The following CNOT4 variants were observed in gnomAD, a reference collection of about 807,000 sequenced individuals.
CNOT4 encodes the protein CCR4-associated factor 4.
A neutral mutation model predicts 73.8 loss-of-function variants in CNOT4; 8 were observed. The ratio of observed to expected loss-of-function variants is 0.11; its 90% CI spans 0.06 to 0.20. CNOT4 has a LOEUF of 0.20. Among genes scored for constraint, CNOT4 ranks in the 10% least tolerant of loss-of-function variants. The probability of loss-of-function intolerance (pLI) is 1.00; values close to 1 mark genes in which losing one functional copy is unlikely to be tolerated. For synonymous variants in CNOT4, 293 were observed against 321.1 expected (o/e 0.91, Z 0.94); for missense variants, 564 against 883.4 (o/e 0.64, Z 4.58).
chr7:135,379,370 T>C (rs1356056650), intron 10 of CNOT4, among the ~76,000 whole-genome samples: 1 of 152,182 alleles, frequency 6.6e-6, no homozygotes, highest in Non-Finnish European at 1.5e-5. Flanking sequence ...CTATCAACAC[T>C]GGGCAGACTA....
chr7:135,408,731 G>A (rs1196255609), intron 7 of CNOT4, among the ~76,000 whole-genome samples: 1 of 152,134 alleles, frequency 6.6e-6, no homozygotes, highest in East Asian at 1.9e-4. Context: ...AAACCAGAGT[G>A]CCCAGAGGAA....
intron 1 of CNOT4, among the ~76,000 whole-genome samples, chr7:135,442,109 A>G (rs1235820122): frequency 6.6e-6 from 1 of 152,206 alleles, no homozygotes; most frequent in African/African-American, 2.4e-5. Flanking sequence ...AATTTGATGT[A>G]CTCATCTGAA....
intron 10 of CNOT4, chr7:135,388,275 C>T: frequency 1.0e-6 from 1 of 985,326 alleles, no homozygotes; most frequent in Non-Finnish European, 1.2e-6. Context: ...ATCTAGACAA[C>T]TAAAAACAAT....
chr7:135,466,412 T>C (rs1801222916), intron 1 of CNOT4, among the ~76,000 whole-genome samples: 1 of 149,376 alleles, frequency 6.7e-6, no homozygotes, highest in South Asian at 2.1e-4. Flanking sequence ...AGGCAGAGGT[T>C]GCAGTGAGCC....
chr7:135,450,217 C>A (rs866303672), intron 1 of CNOT4, among the ~76,000 whole-genome samples: 45 of 152,136 alleles, frequency 3.0e-4, no homozygotes, highest in African/African-American at 1.0e-3. Context: ...ATTAAATAAA[C>A]AAAAACTGGC....
intron 1 of CNOT4, among the ~76,000 whole-genome samples, chr7:135,479,845 G>A (rs943105877): frequency 8.5e-5 from 13 of 152,172 alleles, no homozygotes; most frequent in African/African-American, 3.1e-4. Flanking sequence ...AGCCAAGATC[G>A]CACCACTGCA....
intron 1 of CNOT4, among the ~76,000 whole-genome samples, chr7:135,499,817 G>T (rs1803844549): frequency 6.6e-6 from 1 of 151,948 alleles, no homozygotes; most frequent in Non-Finnish European, 1.5e-5. Flanking sequence ...CTACACAATG[G>T]ATATCTCAAC....
intron 10 of CNOT4, among the ~76,000 whole-genome samples, chr7:135,376,079 T>A (rs190197513): frequency 8.3e-4 from 124 of 149,602 alleles, no homozygotes; most frequent in Non-Finnish European, 1.5e-3. Context: ...GGGTGACGTG[T>A]AGGGGGGAAA....
Position 135,363,930 on chromosome 7 carries a change from T to C in CNOT4, c.1764A>G (p.Pro588=). 1.3e-6 allele frequency: 2 copies of C among 1,598,304 alleles called. No homozygotes were observed. The highest frequency in any genetic ancestry group is 8.5e-7 in the Non-Finnish European group (1 of 1,179,698). ...TGTCGGTGGTGGCAGTGTTGGACGT[T>C]GGTGCACTGTGGTTGGCGTTGGAGG... ...SSPSNANHSA[P]TSNTATTDSL... Residue 588 remains proline (P), a synonymous_variant, in exon 11 of 12, where the codon CCA becomes CCG. Coordinates refer to ENST00000541284, the MANE Select transcript of CNOT4 (RefSeq NM_001190850.2). The surrounding 1 kb of genome is among the most constrained non-coding windows in gnomAD (Gnocchi z 4.3).
chr7:135,393,880 G>C (rs1030420831), intron 10 of CNOT4, 38 bp downstream of exon 10: 2 of 1,470,972 alleles, frequency 1.4e-6, no homozygotes, highest in African/African-American at 2.8e-5. Context: ...GAAAATATGA[G>C]TTATTCAAAA....
chr7:135,479,101 T>C (rs974394343), intron 1 of CNOT4, among the ~76,000 whole-genome samples: 9 of 152,038 alleles, frequency 5.9e-5, no homozygotes, highest in African/African-American at 1.9e-4. Flanking sequence ...AGATGAAGCA[T>C]GGTATGTGCA....
In CNOT4 at chr7:135,363,074, T is replaced by C. The variant is rs369554527; in HGVS notation, c.1953A>G (p.Pro651=). The C allele has an allele frequency of 2.7e-5, 43 of 1,613,922 alleles. No homozygotes were observed. In the African/African-American group the frequency reaches 4.9e-4, roughly 19 times the overall value. The change falls in exon 12 of 12, where the codon CCA becomes CCG. Residue 651 remains proline, a synonymous_variant. Coordinates refer to ENST00000541284, the MANE Select transcript of CNOT4 (RefSeq NM_001190850.2). The surrounding 1 kb of genome is among the most constrained non-coding windows in gnomAD (Gnocchi z 4.3). The part of the protein sequence containing the change: ...LTEMDGPSAA[P]SQTHHSAPFS... ...AGGGGGCGCTGTGGTGGGTCTGTGA[T>C]GGAGCAGCGCTGGGGCCGTCCATCT...
intron 10 of CNOT4, among the ~76,000 whole-genome samples, chr7:135,379,202 T>G (rs1406557093): frequency 6.6e-6 from 1 of 152,158 alleles, no homozygotes; most frequent in African/African-American, 2.4e-5. Flanking sequence ...AGACTTATAA[T>G]AGTCAATAGT....
chr7:135,430,454 A>G (rs1798746362), intron 2 of CNOT4, among the ~76,000 whole-genome samples: 1 of 152,258 alleles, frequency 6.6e-6, no homozygotes, highest in East Asian at 1.9e-4. Flanking sequence ...CCTGGGCAAC[A>G]TAGCGAGCCC....
At chr7:135,453,736 ATATGT>A (rs1800318587) in intron 1 of CNOT4, among the ~76,000 whole-genome samples, 1 of 146,284 alleles carries the variant, frequency 6.8e-6, no homozygotes, top group East Asian at 2.0e-4. Flanking sequence ...TTTTATATAT[ATATGT>A]TATATTATAT....
At chr7:135,407,274 T>C (rs2129483921) in intron 7 of CNOT4, among the ~76,000 whole-genome samples, 1 of 152,352 alleles carries the variant, frequency 6.6e-6, no homozygotes, top group East Asian at 1.9e-4. Flanking sequence ...CAAGTATTTC[T>C]TTATAGCAAT....
At chr7:135,444,341 A>G in intron 1 of CNOT4, 1 of 642,262 alleles carries the variant, frequency 1.6e-6, no homozygotes, top group Non-Finnish European at 2.8e-6. Context: ...ATTTTTGACA[A>G]TAGCCAAAAA....
At chr7:135,372,555 G>GTTTT (rs10617849) in intron 10 of CNOT4, among the ~76,000 whole-genome samples, 1 of 119,272 alleles carries the variant, frequency 8.4e-6, no homozygotes, top group Non-Finnish European at 1.9e-5. Flanking sequence ...TTGCTACCAT[G>GTTTT]TTTTTTTTTT....
At chr7:135,404,199 A>G (rs1563028775) in intron 7 of CNOT4, among the ~76,000 whole-genome samples, 1 of 152,246 alleles carries the variant, frequency 6.6e-6, no homozygotes, top group Non-Finnish European at 1.5e-5. Context: ...AGAAATAAGG[A>G]AGATTCTGAG....
Sources: allele counts gnomAD v4.1 joint callset (sites outside exome capture counted in the v4.1 genomes callset), GRCh38; gene constraint gnomAD v4.1.1; non-coding constraint Gnocchi (gnomAD v3.1); transcripts MANE v1.5; gene names NCBI Gene and HGNC (gene_info 2026-07-23, HGNC 2026-07-21).